The following SH2D3A variants were observed in gnomAD, a reference collection of about 807,000 sequenced individuals.
SH2D3A encodes SH2 domain containing 3A, also known as SH2 domain-containing protein 3A.
SH2D3A carries 46 observed loss-of-function variants against 50.6 expected under a neutral mutation model. The observed-to-expected ratio is 0.91, with a 90% CI of 0.72 to 1.16. SH2D3A has a LOEUF of 1.16. Among genes scored for constraint, SH2D3A ranks in the 50% most tolerant of loss-of-function variants. The pLI is 0.00. For synonymous variants in SH2D3A, 377 were observed against 348.4 expected, an observed-to-expected ratio of 1.08 and a Z score of -0.91; for missense variants, 783 against 786.2, an observed-to-expected ratio of 1.00 and a Z score of 0.05.
chr19:6,762,807 A>G (rs1420205045), intron 2 of SH2D3A, among the ~76,000 whole-genome samples: 1 of 149,764 alleles, frequency 6.7e-6, no homozygotes, highest in African/African-American at 2.5e-5. Flanking sequence ...GCATGAGCCA[A>G]CATGCCTGGC....
intron 8 of SH2D3A, 94 bp downstream of exon 8, chr19:6,753,958 G>A: frequency 7.1e-7 from 1 of 1,411,926 alleles, no homozygotes; most frequent in Non-Finnish European, 9.4e-7. Context: ...ACCGGGCCTA[G>A]AACAGATGCA....
chr19:6,759,607 G>A lies in SH2D3A; in HGVS notation c.483C>T (p.Asp161=), dbSNP rs747836164. The A allele has an allele frequency of 6.2e-7, 1 of 1,613,832 alleles. No homozygotes were observed. Among genetic ancestry groups the A allele is most frequent in the African/African-American group, 1.3e-5 (1 of 74,922 alleles). ...GCAGACACTTACCCATCCCAGCGGG[G>A]TCTTCTCTTGACCGCCCCATATGTG... The part of the protein sequence containing the change: ...DLAHMGRSRE[D]PAGMEASTMP... The change falls in exon 4 of 10, where the codon GAC becomes GAT. Residue 161 remains aspartate, a synonymous_variant. Coordinates refer to ENST00000245908, the MANE Select transcript of SH2D3A (RefSeq NM_005490.3).
Position 6,755,266 on chromosome 19 carries a change from C to T in SH2D3A, c.546G>A (p.Pro182=), listed in dbSNP as rs775350582. ...ISALPRTSSD[P]VLLKAPAPLG... The stretch of plus-strand genomic sequence containing the variant: ...GGGGAGCAGGGGCCTTCAGCAACAC[C>T]GGGTCACTGCTCGTTCGGGGCAAGG... Residue 182 remains proline (P), a synonymous_variant, in exon 5 of 10, where the codon CCG becomes CCA. Coordinates refer to ENST00000245908, the MANE Select transcript of SH2D3A (RefSeq NM_005490.3). 3.9e-6 allele frequency: 6 copies of T among 1,523,870 alleles called. No individual in the cohort carries two copies. The highest frequency in any genetic ancestry group is 4.5e-5 in the East Asian group (2 of 44,082). The allele number at this position is 1,523,870 out of a possible 1,614,324, so 94.4% of individuals were successfully genotyped here.
chr19:6,765,778 C>G (rs2144655153), intron 1 of SH2D3A, among the ~76,000 whole-genome samples: 1 of 151,686 alleles, frequency 6.6e-6, no homozygotes, highest in East Asian at 1.9e-4. Flanking sequence ...GAATGTAACC[C>G]CAGGGTTAAG....
At chr19:6,761,190 C>T in intron 2 of SH2D3A, 2 of 578,002 alleles carry the variant, frequency 3.5e-6, no homozygotes, top group Non-Finnish European at 6.1e-6. Flanking sequence ...CCCAGGTTCC[C>T]TTGCGGCTAG....
In SH2D3A at chr19:6,755,247, C is replaced by T; in HGVS notation, c.565G>A (p.Ala189Thr). The change falls in exon 5 of 10, where the codon GCT becomes ACT. Residue 189 changes from alanine (A) to threonine (T), a missense_variant. Ala to Thr is a moderately conservative substitution (Grantham distance 58). Transcript: ENST00000245908. ...CTGTCGGCAACAGTTCCCAGGGGAGCAGGGGCCTTCAGCAACACCGGGTCA... is the reference window on the plus strand; with the variant it reads ...CTGTCGGCAACAGTTCCCAGGGGAGTAGGGGCCTTCAGCAACACCGGGTCA... ...SSDPVLLKAP[A>T]PLGTVADSLR... 6.5e-7 allele frequency: 1 copy of T among 1,531,512 alleles called. No homozygotes were observed. Among genetic ancestry groups the T allele is most frequent in the Non-Finnish European group, 8.8e-7 (1 of 1,139,410 alleles). 94.9% of individuals were successfully genotyped at this position (1,531,512 alleles called of 1,614,324 possible).
Position 6,762,711 on chromosome 19 carries a change from G to A in SH2D3A, c.69+969C>T, listed in dbSNP as rs149926480. Among the ~76,000 whole-genome samples the A allele has an allele frequency of 1.3e-4, 19 of 146,958 alleles. No homozygotes were observed. In the East Asian group the frequency reaches 3.8e-3, roughly 29 times the overall value. On this transcript the variant is annotated intron_variant, in intron 2 of 9. Coordinates refer to ENST00000245908, the MANE Select transcript of SH2D3A (RefSeq NM_005490.3). ...TTTTTTTTTTTTGTGTAGAGACAGA[G>A]TTCTGCTATGTTGCCCAGACTGGTT...
intron 4 of SH2D3A, chr19:6,758,682 C>G (rs996983770): frequency 2.0e-5 from 3 of 152,250 alleles, no homozygotes; most frequent in Admixed American, 6.6e-5. Context: ...GTTGTCCTCT[C>G]GTGGACTGTT....
intron 1 of SH2D3A, among the ~76,000 whole-genome samples, chr19:6,764,847 G>C (rs1293395443): frequency 6.7e-6 from 1 of 149,268 alleles, no homozygotes; most frequent in Non-Finnish European, 1.5e-5. Flanking sequence ...CTGGGACTAT[G>C]AGCGTGGGCC....
Position 6,754,292 on chromosome 19 carries a change from G to T in SH2D3A, c.1231C>A (p.Pro411Thr). The part of the protein sequence containing the change: ...ALRPGAAGDL[P>T]GLAAVMGALL... ...GCGCCCATGACTGCAGCCAGCCCGG[G>T]CAGGTCCCCCGCCGCCCCTGGCCGC... is the stretch of plus-strand genomic sequence containing the variant. The change falls in exon 7 of 10, where the codon CCC becomes ACC. Residue 411 changes from proline to threonine, a missense_variant. By Grantham distance (38) the Pro-to-Thr change is conservative. Coordinates refer to ENST00000245908, the MANE Select transcript of SH2D3A (RefSeq NM_005490.3). The T allele has an allele frequency of 6.3e-7, 1 of 1,583,468 alleles. No individual in the cohort carries two copies. The highest frequency in any genetic ancestry group is 2.3e-5 in the East Asian group (1 of 44,088).
intron 2 of SH2D3A, among the ~76,000 whole-genome samples, chr19:6,761,965 C>CAAAAAAAAAAAAAAAA (rs759411762): frequency 3.0e-5 from 3 of 101,606 alleles, no homozygotes; most frequent in Admixed American, 9.2e-5. Context: ...AAAAAAAAAA[C>CAAAAAAAAAAAAAAAA]AAAAAAAAAA....
intron 3 of SH2D3A, among the ~76,000 whole-genome samples, chr19:6,760,117 G>T (rs527337676): frequency 2.0e-5 from 3 of 152,272 alleles, no homozygotes; most frequent in African/African-American, 7.2e-5. Flanking sequence ...GCTCATGCCT[G>T]TAATCCCAGC....
At chr19:6,766,414 C>T (rs563928474) in intron 1 of SH2D3A, among the ~76,000 whole-genome samples, 13 of 152,230 alleles carry the variant, frequency 8.5e-5, no homozygotes, top group African/African-American at 2.6e-4. Flanking sequence ...TATTCGGGCA[C>T]GGAAGAGAAG....
intron 9 of SH2D3A, 83 bp downstream of exon 9, chr19:6,753,373 T>C: frequency 7.1e-7 from 1 of 1,406,064 alleles, no homozygotes; most frequent in Admixed American, 3.2e-5. Flanking sequence ...GCTCCCCTCC[T>C]GGGACAGGCT....
At chr19:6,753,676 C>T (rs1325074756) in intron 8 of SH2D3A, 35 bp from the exon 9 acceptor site, 2 of 1,506,214 alleles carry the variant, frequency 1.3e-6, no homozygotes, top group Non-Finnish European at 1.8e-6. Context: ...GGGTTTGGGG[C>T]TGTAGATGGG....
intron 4 of SH2D3A, among the ~76,000 whole-genome samples, chr19:6,756,363 A>C (rs1969677336): frequency 1.3e-5 from 2 of 151,564 alleles, no homozygotes; most frequent in Admixed American, 1.3e-4. Flanking sequence ...AAGTATAAAA[A>C]ATTCACAAAG....
intron 4 of SH2D3A, among the ~76,000 whole-genome samples, chr19:6,755,727 T>C (rs915864915): frequency 5.9e-5 from 9 of 151,962 alleles, no homozygotes; most frequent in African/African-American, 2.2e-4. Context: ...TTTGAATTCT[T>C]TGTTTTTGCC....
intron 4 of SH2D3A, chr19:6,758,002 A>C: frequency 6.6e-6 from 1 of 152,120 alleles, no homozygotes; most frequent in East Asian, 1.9e-4. Context: ...CCATCTTTAT[A>C]GTCTCTATCT....
In SH2D3A at chr19:6,753,661, G is replaced by A. The variant is rs1224660960; in HGVS notation, c.1385-20C>T. 1 of 1,539,568 alleles carries A rather than the reference G, an allele frequency of 6.5e-7. No individual in the cohort carries two copies. The highest frequency in any genetic ancestry group is 1.2e-5 in the South Asian group (1 of 80,656). Reference sequence around the variant, plus strand: ...AGGGTCCTGCGGAGGGGGAGGGTCTGATCAGGGTTTGGGGCTGTAGATGGG... The same window carrying A: ...AGGGTCCTGCGGAGGGGGAGGGTCTAATCAGGGTTTGGGGCTGTAGATGGG... On this transcript the variant is annotated intron_variant, in intron 8 of 9. Coordinates refer to ENST00000245908, the MANE Select transcript of SH2D3A (RefSeq NM_005490.3).
Sources: allele counts gnomAD v4.1 joint callset (sites outside exome capture counted in the v4.1 genomes callset), GRCh38; gene constraint gnomAD v4.1.1; transcripts MANE v1.5; gene names NCBI Gene and HGNC (gene_info 2026-07-23, HGNC 2026-07-21).